The following PXT1 variants were observed in gnomAD, a reference collection of about 807,000 sequenced individuals.
The protein encoded by PXT1 is peroxisomal testis-specific protein 1.
Under a neutral mutation model 11.0 loss-of-function variants are expected in PXT1, and 11 were observed. That is an observed-to-expected ratio of 1.00 (90% CI 0.63 to 1.66). The LOEUF (loss-of-function observed/expected upper bound fraction) is 1.66. Among genes scored for constraint, PXT1 ranks in the 40% most tolerant of loss-of-function variants. PXT1 has a pLI of 0.00. For synonymous variants in PXT1, 43 were observed against 51.4 expected, an observed-to-expected ratio of 0.84 and a Z score of 0.70; for missense variants, 141 against 155.5, an observed-to-expected ratio of 0.91 and a Z score of 0.49.
chr6:36,394,109 G>A (rs1481334965), intron 4 of PXT1, among the ~76,000 whole-genome samples: 1 of 152,132 alleles, frequency 6.6e-6, no homozygotes, highest in Non-Finnish European at 1.5e-5. Flanking sequence ...TCTTATAGTC[G>A]ATATCAGCTA....
intron 2 of PXT1, among the ~76,000 whole-genome samples, chr6:36,437,158 G>C (rs1167451098): frequency 1.3e-5 from 2 of 151,898 alleles, no homozygotes; most frequent in Non-Finnish European, 2.9e-5. Context: ...GTGGTGTCAC[G>C]GGCCTATAAT....
At chr6:36,392,121 G>A in intron 4 of PXT1, 1 of 386,868 alleles carries the variant, frequency 2.6e-6, no homozygotes, top group Non-Finnish European at 4.7e-6. Context: ...TCAAACTCCT[G>A]GGCTCAAGTG....
intron 1 of PXT1, among the ~76,000 whole-genome samples, chr6:36,439,748 A>G (rs1249305212): frequency 6.6e-6 from 1 of 152,098 alleles, no homozygotes; most frequent in Non-Finnish European, 1.5e-5. Flanking sequence ...GAGCCAGTAC[A>G]TGGGATACGA....
intron 4 of PXT1, among the ~76,000 whole-genome samples, chr6:36,399,252 T>C (rs1774182720): frequency 6.6e-6 from 1 of 152,140 alleles, no homozygotes; most frequent in East Asian, 1.9e-4. Flanking sequence ...TTTAAGAGAT[T>C]GTCCTGCCTC....
chr6:36,411,524 G>T (rs1262697423), intron 3 of PXT1, among the ~76,000 whole-genome samples: 1 of 152,168 alleles, frequency 6.6e-6, no homozygotes, highest in Non-Finnish European at 1.5e-5. Context: ...GAGTTACACA[G>T]AACAGTGCCT....
At position 36,400,443 on chromosome 6, in the gene PXT1, T is replaced by G; in HGVS notation, c.300+11A>C. 1 of 1,612,710 alleles carries G rather than the reference T, an allele frequency of 6.2e-7. No individual in the cohort carries two copies. Among genetic ancestry groups the G allele is most frequent in the Non-Finnish European group, 8.5e-7 (1 of 1,179,072 alleles). On this transcript the variant is annotated intron_variant, in intron 4 of 4. Transcript: ENST00000454782. Reference sequence around the variant, plus strand: ...CCTGACAGGCCCTGGCTGGGGAAACTGAAGCCTCACCTCTCGAACCATCCT... The same window carrying G: ...CCTGACAGGCCCTGGCTGGGGAAACGGAAGCCTCACCTCTCGAACCATCCT...
chr6:36,436,292 T>C (rs1774763233), intron 2 of PXT1, among the ~76,000 whole-genome samples: 1 of 152,182 alleles, frequency 6.6e-6, no homozygotes, highest in Non-Finnish European at 1.5e-5. Context: ...ATTTCTGTTT[T>C]AAAAGATCAC....
intron 3 of PXT1, among the ~76,000 whole-genome samples, chr6:36,421,159 C>A (rs1331728375): frequency 6.6e-6 from 1 of 150,656 alleles, no homozygotes; most frequent in African/African-American, 2.4e-5. Flanking sequence ...AATTAAAAAA[C>A]AACAACAACA....
At chr6:36,401,056 T>C (rs927327970) in intron 3 of PXT1, among the ~76,000 whole-genome samples, 1 of 151,978 alleles carries the variant, frequency 6.6e-6, no homozygotes, top group African/African-American at 2.4e-5. Flanking sequence ...CTCTCTCCAA[T>C]AGAAATATAA....
chr6:36,439,663 CAACT>C (rs1582278572), intron 1 of PXT1, among the ~76,000 whole-genome samples: 1 of 58,354 alleles, frequency 1.7e-5, no homozygotes, highest in African/African-American at 6.3e-5. Context: ...AAAAAAAAAA[CAACT>C]AAGCATTCTC....
At chr6:36,429,503 C>CTTTTTTTTTTTTTTTTT in intron 2 of PXT1, among the ~76,000 whole-genome samples, 1 of 104,256 alleles carries the variant, frequency 9.6e-6, no homozygotes, top group Non-Finnish European at 1.8e-5. Context: ...TTCTTTTTTT[C>CTTTTTTTTTTTTTTTTT]TTTTCTTTTT....
intron 3 of PXT1, among the ~76,000 whole-genome samples, chr6:36,424,177 T>G (rs1303117396): frequency 6.6e-6 from 1 of 152,186 alleles, no homozygotes; most frequent in Admixed American, 6.5e-5. Flanking sequence ...TGGCGACGAT[T>G]GCACAACGTT....
chr6:36,410,276 C>A (rs1360215141), intron 3 of PXT1, among the ~76,000 whole-genome samples: 1 of 151,996 alleles, frequency 6.6e-6, no homozygotes, highest in Non-Finnish European at 1.5e-5. Flanking sequence ...CACGGAAAAA[C>A]CCTGTCTCTA....
At chr6:36,442,027 A>T (rs1261876242) in intron 1 of PXT1, among the ~76,000 whole-genome samples, 1 of 152,122 alleles carries the variant, frequency 6.6e-6, no homozygotes, top group Non-Finnish European at 1.5e-5. Context: ...ACAATTTACA[A>T]ATAGTTTGCA....
intron 3 of PXT1, among the ~76,000 whole-genome samples, chr6:36,421,054 CAA>C (rs1185962905): frequency 1.0e-3 from 75 of 74,290 alleles, no homozygotes; most frequent in Middle Eastern, 0.011. Context: ...GACTCCGTCT[CAA>C]AAAAAAAAAA....
Position 36,391,683 on chromosome 6 carries a change from T to C in PXT1, c.*87A>G, listed in dbSNP as rs890428922. 4.1e-5 allele frequency: 36 copies of C among 881,904 alleles called. No individual in the cohort carries two copies. The African/African-American group carries it at 5.9e-4, about 14-fold the overall frequency. 54.6% of individuals were successfully genotyped at this position (881,904 alleles called of 1,614,324 possible). On this transcript the variant is annotated 3_prime_UTR_variant, in exon 5 of 5. Coordinates refer to ENST00000454782, the MANE Select transcript of PXT1 (RefSeq NM_152990.4). ...ACAAAAAGAGGGAGACGGAGAAGGGTGTTCTTCCCATCTGTCCCAGTGGGA... is the reference window on the plus strand; with the variant it reads ...ACAAAAAGAGGGAGACGGAGAAGGGCGTTCTTCCCATCTGTCCCAGTGGGA...
At chr6:36,397,747 C>A (rs1774163131) in intron 4 of PXT1, among the ~76,000 whole-genome samples, 1 of 152,106 alleles carries the variant, frequency 6.6e-6, no homozygotes, top group African/African-American at 2.4e-5. Flanking sequence ...AAGGAACTTA[C>A]ATCTAGAATA....
chr6:36,439,088 T>A (rs868719363), intron 1 of PXT1, among the ~76,000 whole-genome samples: 180 of 151,820 alleles, frequency 1.2e-3, no homozygotes, highest in African/African-American at 3.8e-3. Flanking sequence ...AACCTCCGCC[T>A]CCTGGGTTCA....
At chr6:36,401,532 G>C (rs1774214547) in intron 3 of PXT1, among the ~76,000 whole-genome samples, 1 of 151,192 alleles carries the variant, frequency 6.6e-6, no homozygotes, top group Non-Finnish European at 1.5e-5. Context: ...TGGGAGAATT[G>C]CTTGAGCCCG....
Sources: allele counts gnomAD v4.1 joint callset (sites outside exome capture counted in the v4.1 genomes callset), GRCh38; gene constraint gnomAD v4.1.1; transcripts MANE v1.5; gene names NCBI Gene and HGNC (gene_info 2026-07-23, HGNC 2026-07-21).